NXPH3: variants seen among roughly 807,000 people sequenced by gnomAD.
The protein encoded by NXPH3 is neurexophilin-3.
In NXPH3, 7 loss-of-function variants were observed where a neutral mutation model predicts 18.8. The ratio of observed to expected loss-of-function variants is 0.37; its 90% CI spans 0.21 to 0.70. The LOEUF (loss-of-function observed/expected upper bound fraction) is 0.70. Among genes scored for constraint, NXPH3 ranks in the 30% least tolerant of loss-of-function variants. The probability of loss-of-function intolerance (pLI) is 0.53; values close to 1 mark genes in which losing one functional copy is unlikely to be tolerated. For missense variants in NXPH3, 282 were observed against 338.1 expected (o/e 0.83, Z 1.30); for synonymous variants, 101 against 137.3 (o/e 0.74, Z 1.85).
Position 49,578,698 on chromosome 17 carries a change from A to C in NXPH3, c.157A>C (p.Ile53Leu), listed in dbSNP as rs1419539760. The C allele has an allele frequency of 1.2e-6, 2 of 1,613,120 alleles. No individual in the cohort carries two copies. The highest frequency in any genetic ancestry group is 1.7e-6 in the Non-Finnish European group (2 of 1,179,910). ...RPRVPRKRGH[I>L]SPKSRPMANS... Reference sequence around the variant, plus strand: ...CCGGGTGCCTCGGAAGCGGGGCCACATCTCACCTAAGTCCCGCCCCATGGC... The same window carrying C: ...CCGGGTGCCTCGGAAGCGGGGCCACCTCTCACCTAAGTCCCGCCCCATGGC... The change falls in exon 2 of 2, where the codon ATC becomes CTC. Residue 53 changes from isoleucine (I) to leucine (L), a missense_variant. Coordinates refer to ENST00000328741, the MANE Select transcript of NXPH3 (RefSeq NM_007225.4). The surrounding 1 kb of genome is among the most constrained non-coding windows in gnomAD (Gnocchi z 4.5).
In NXPH3 at chr17:49,578,539, G is replaced by C. The variant is rs141790443; in HGVS notation, c.55-57G>C. ...CAGGGACAGGGGTACTGCTGGTAGC[G>C]GGGGTGGTGGACCTCCAGGGACAGG... On this transcript the variant is annotated intron_variant, in intron 1 of 1. Coordinates refer to ENST00000328741, the MANE Select transcript of NXPH3 (RefSeq NM_007225.4). This position sits in a 1 kb window ranked among gnomAD's most constrained non-coding sequence, Gnocchi z 4.5. 8.8e-6 allele frequency: 12 copies of C among 1,360,158 alleles called. No homozygotes were observed. The highest frequency in any genetic ancestry group is 8.0e-6 in the Non-Finnish European group (8 of 999,954). The allele number at this position is 1,360,158 out of a possible 1,614,324, so 84.3% of individuals were successfully genotyped here. A position where few individuals can be genotyped will look rare whatever the true frequency, so the allele number is the denominator to read the frequency against.
Position 49,581,196 on chromosome 17 carries a change from A to T in NXPH3, c.*1896A>T. The stretch of plus-strand genomic sequence containing the variant: ...CCTGCGTCAGTCACTCCCCTCCTGC[A>T]GCTAGTAAGAGGCCTCAGAATGGCC... On this transcript the variant is annotated 3_prime_UTR_variant, in exon 2 of 2. Transcript: ENST00000328741. The T allele has an allele frequency of 4.6e-5, 10 of 218,240 alleles. No individual in the cohort carries two copies. The highest frequency in any genetic ancestry group is 3.4e-4 in the South Asian group (3 of 8,844). The allele number at this position is 218,240 out of a possible 1,614,324, so 13.5% of individuals were successfully genotyped here.
Position 49,576,054 on chromosome 17 carries a change from G to A in NXPH3, c.-166G>A. On this transcript the variant is annotated 5_prime_UTR_variant, in exon 1 of 2. Coordinates refer to ENST00000328741, the MANE Select transcript of NXPH3 (RefSeq NM_007225.4). ...GAGGGGGGCGGCGGCTGCACAGCTG[G>A]ACCGAAGGGGGCGGGGTCGGCCCTG... The A allele has an allele frequency of 1.4e-6, 1 of 716,560 alleles. No individual in the cohort carries two copies. Among genetic ancestry groups the A allele is most frequent in the Non-Finnish European group, 2.3e-6 (1 of 436,222 alleles). 44.4% of individuals were successfully genotyped at this position (716,560 alleles called of 1,614,324 possible). A position where few individuals can be genotyped will look rare whatever the true frequency, so the allele number is the denominator to read the frequency against.
rs578060233 is a variant in NXPH3 at position 49,583,271 on chromosome 17, C to A, written c.*3971C>A. ...ACAGAAATGTTACTTCCAAAGATTC[C>A]GAGTCCTGTGGTACTGCCAGGAGAA... On this transcript the variant is annotated 3_prime_UTR_variant, in exon 2 of 2. Coordinates refer to ENST00000328741, the MANE Select transcript of NXPH3 (RefSeq NM_007225.4). The A allele has an allele frequency of 1.8e-4, 27 of 152,378 alleles. No homozygotes were observed. The highest frequency in any genetic ancestry group is 6.3e-4 in the African/African-American group (26 of 41,528). The allele number at this position is 152,378 out of a possible 1,614,324, so 9.4% of individuals were successfully genotyped here.
rs1458184944 is a variant in NXPH3 at position 49,579,140 on chromosome 17, C to A, written c.599C>A (p.Ser200Tyr). Residue 200 changes from serine to tyrosine, a missense_variant, in exon 2 of 2, where the codon TCC (serine) becomes TAC (tyrosine). Coordinates refer to ENST00000328741, the MANE Select transcript of NXPH3 (RefSeq NM_007225.4). This position sits in a 1 kb window ranked among gnomAD's most constrained non-coding sequence, Gnocchi z 6.0. ...LCTHDPAKIC[S>Y]RDHAQSSATW... is the part of the protein sequence containing the mutation. ...ACCCACGACCCAGCCAAGATCTGCT[C>A]CCGAGACCACGCTCAGAGCTCAGCC... 4.3e-6 allele frequency: 7 copies of A among 1,613,752 alleles called. No individual in the cohort carries two copies. Among genetic ancestry groups the A allele is most frequent in the Non-Finnish European group, 5.9e-6 (7 of 1,180,048 alleles).
At position 49,579,429 on chromosome 17, in the gene NXPH3, C is replaced by A; in HGVS notation, c.*129C>A. 1.3e-6 allele frequency: 1 copy of A among 761,084 alleles called. No individual in the cohort carries two copies. The allele number at this position is 761,084 out of a possible 1,614,324, so 47.1% of individuals were successfully genotyped here. A position where few individuals can be genotyped will look rare whatever the true frequency, so the allele number is the denominator to read the frequency against. On this transcript the variant is annotated 3_prime_UTR_variant, in exon 2 of 2. Coordinates refer to ENST00000328741, the MANE Select transcript of NXPH3 (RefSeq NM_007225.4). This position sits in a 1 kb window ranked among gnomAD's most constrained non-coding sequence, Gnocchi z 6.0. ...GGAGGGGGGTGGAGACGAGGAGATG[C>A]CAAGTGGGGCCAGGGCCAAGTCTCA...
At position 49,578,762 on chromosome 17, in the gene NXPH3, A is replaced by T. The variant is rs1378769949; in HGVS notation, c.221A>T (p.Glu74Val). The T allele has an allele frequency of 6.2e-7, 1 of 1,613,584 alleles. No individual in the cohort carries two copies. Among genetic ancestry groups the T allele is most frequent in the South Asian group, 1.1e-5 (1 of 91,082 alleles). Residue 74 changes from glutamate to valine, a missense_variant, in exon 2 of 2, where the codon GAG becomes GTG. Transcript: ENST00000328741. This position sits in a 1 kb window ranked among gnomAD's most constrained non-coding sequence, Gnocchi z 4.5. Reference sequence around the variant, plus strand: ...CTAGGGCTGCTGGCCCCGCCTGGGGAGGCTTGGGGCATTCTTGGGCAGCCC... The same window carrying T: ...CTAGGGCTGCTGGCCCCGCCTGGGGTGGCTTGGGGCATTCTTGGGCAGCCC... ...TLLGLLAPPG[E>V]AWGILGQPPN... is the part of the protein sequence containing the mutation.
Position 49,579,401 on chromosome 17 carries a change from C to A in NXPH3, c.*101C>A. 1.9e-6 allele frequency: 2 copies of A among 1,048,326 alleles called. No homozygotes were observed. Among genetic ancestry groups the A allele is most frequent in the Non-Finnish European group, 2.7e-6 (2 of 729,094 alleles). The allele number at this position is 1,048,326 out of a possible 1,614,324, so 64.9% of individuals were successfully genotyped here. Reference sequence around the variant, plus strand: ...GGCAGGGAAGGGGTTGGGCCTCAGGCAGGGAGGGGGGTGGAGACGAGGAGA... The same window carrying A: ...GGCAGGGAAGGGGTTGGGCCTCAGGAAGGGAGGGGGGTGGAGACGAGGAGA... On this transcript the variant is annotated 3_prime_UTR_variant, in exon 2 of 2. Transcript: ENST00000328741. This position sits in a 1 kb window ranked among gnomAD's most constrained non-coding sequence, Gnocchi z 6.0.
At position 49,578,206 on chromosome 17, in the gene NXPH3, A is replaced by T. The variant is rs768772332; in HGVS notation, c.55-390A>T. 2.3e-4 allele frequency among the ~76,000 whole-genome samples: 35 copies of T among 152,192 alleles called. No individual in the cohort carries two copies. The highest frequency in any genetic ancestry group is 4.4e-4 in the Non-Finnish European group (30 of 68,026). ...CTATCAAATTGGGGGCTCTGTCAGC[A>T]CAGGGATGATGCTTCTGCAATTAGA... is the stretch of plus-strand genomic sequence containing the variant. On this transcript the variant is annotated intron_variant, in intron 1 of 1. Coordinates refer to ENST00000328741, the MANE Select transcript of NXPH3 (RefSeq NM_007225.4). The surrounding 1 kb of genome is among the most constrained non-coding windows in gnomAD (Gnocchi z 4.5).
In NXPH3 at chr17:49,581,903, C is replaced by A; in HGVS notation, c.*2603C>A. 1.6e-6 allele frequency: 1 copy of A among 631,364 alleles called. No homozygotes were observed. The highest frequency in any genetic ancestry group is 1.8e-5 in the South Asian group (1 of 55,678). The allele number at this position is 631,364 out of a possible 1,614,324, so 39.1% of individuals were successfully genotyped here. ...TTCCTGGCACACAGTTCTGCCTGCA[C>A]CAGGGATGGATTCATTTTAATAACT... On this transcript the variant is annotated 3_prime_UTR_variant, in exon 2 of 2. Coordinates refer to ENST00000328741, the MANE Select transcript of NXPH3 (RefSeq NM_007225.4).
Position 49,580,783 on chromosome 17 carries a change from A to G in NXPH3, c.*1483A>G, listed in dbSNP as rs1196616204. The G allele has an allele frequency of 2.6e-5, 4 of 152,500 alleles. No homozygotes were observed. The highest frequency in any genetic ancestry group is 7.2e-5 in the African/African-American group (3 of 41,470). The allele number at this position is 152,500 out of a possible 1,614,324, so 9.4% of individuals were successfully genotyped here. A position where few individuals can be genotyped will look rare whatever the true frequency, so the allele number is the denominator to read the frequency against. On this transcript the variant is annotated 3_prime_UTR_variant, in exon 2 of 2. Coordinates refer to ENST00000328741, the MANE Select transcript of NXPH3 (RefSeq NM_007225.4). The stretch of plus-strand genomic sequence containing the variant: ...CTTTCTTTGTTTCTTCCTCTATGAC[A>G]TGAAGGGCTTGCCCAGACCAGGGGT...
At position 49,579,330 on chromosome 17, in the gene NXPH3, G is replaced by T. The variant is rs557137644; in HGVS notation, c.*30G>T. Reference sequence around the variant, plus strand: ...GGGCAGGCCACAGAGGCCAGGCCAGGGCTGGAAGGACAGGCCTGCCCATGC... The same window carrying T: ...GGGCAGGCCACAGAGGCCAGGCCAGTGCTGGAAGGACAGGCCTGCCCATGC... On this transcript the variant is annotated 3_prime_UTR_variant, in exon 2 of 2. Transcript: ENST00000328741. The surrounding 1 kb of genome is among the most constrained non-coding windows in gnomAD (Gnocchi z 6.0). 8.1e-5 allele frequency: 127 copies of T among 1,562,182 alleles called. No individual in the cohort carries two copies. In the South Asian group the frequency reaches 1.2e-3, roughly 14 times the overall value.
At position 49,581,492 on chromosome 17, in the gene NXPH3, T is replaced by C. The variant is rs1289876925; in HGVS notation, c.*2192T>C. The C allele has an allele frequency of 6.3e-6, 4 of 633,472 alleles. No individual in the cohort carries two copies. Among genetic ancestry groups the C allele is most frequent in the African/African-American group, 1.8e-5 (1 of 55,448 alleles). The allele number at this position is 633,472 out of a possible 1,614,324, so 39.2% of individuals were successfully genotyped here. The stretch of plus-strand genomic sequence containing the variant: ...ACTGCAGCGCAGAGTTGGGTGGGGC[T>C]GAGAAGCCATCTGGTTACAGCCCAC... On this transcript the variant is annotated 3_prime_UTR_variant, in exon 2 of 2. Transcript: ENST00000328741.
rs2676793 is a variant in NXPH3 at position 49,579,826 on chromosome 17, C to G, written c.*526C>G. ...TCCAGCCCTGCCTAGTGGGCGCCCT[C>G]AGCCCCTTGTCGTGTGCTGAGCATG... On this transcript the variant is annotated 3_prime_UTR_variant, in exon 2 of 2. Transcript: ENST00000328741. The surrounding 1 kb of genome is among the most constrained non-coding windows in gnomAD (Gnocchi z 6.0). 0.52 allele frequency: 81,926 copies of G among 157,434 alleles called. 23,232 individuals are homozygous for G. The highest frequency in any genetic ancestry group is 0.87 in the East Asian group (4,627 of 5,296). The allele number at this position is 157,434 out of a possible 1,614,324, so 9.8% of individuals were successfully genotyped here. A position where few individuals can be genotyped will look rare whatever the true frequency, so the allele number is the denominator to read the frequency against.
rs1386364629 is a variant in NXPH3 at position 49,580,630 on chromosome 17, A to C, written c.*1330A>C. ...AACAGCTCAGGGAGGGAGAGCTAGC[A>C]GGTAGAATGGGCCAATGAGGGTGTT... On this transcript the variant is annotated 3_prime_UTR_variant, in exon 2 of 2. Transcript: ENST00000328741. 6.6e-6 allele frequency: 1 copy of C among 152,374 alleles called. No homozygotes were observed. The highest frequency in any genetic ancestry group is 2.4e-5 in the African/African-American group (1 of 41,482). The allele number at this position is 152,374 out of a possible 1,614,324, so 9.4% of individuals were successfully genotyped here. A position where few individuals can be genotyped will look rare whatever the true frequency, so the allele number is the denominator to read the frequency against.
chr17:49,576,126 T>G lies in NXPH3; in HGVS notation c.-94T>G. ...CCGCGGGCCGCCGGGGACTGGAGCA[T>G]GGGACGGCGCGCCTGAAGGAGCAGG... On this transcript the variant is annotated 5_prime_UTR_variant, in exon 1 of 2. An upstream start codon of the reference 5' UTR is lost. Coordinates refer to ENST00000328741, the MANE Select transcript of NXPH3 (RefSeq NM_007225.4). The G allele has an allele frequency of 4.1e-6, 6 of 1,464,996 alleles. No homozygotes were observed. The South Asian group carries it at 4.9e-5, about 12-fold the overall frequency. 90.7% of individuals were successfully genotyped at this position (1,464,996 alleles called of 1,614,324 possible).
In NXPH3 at chr17:49,578,554, C is replaced by T. The variant is rs115123651; in HGVS notation, c.55-42C>T. On this transcript the variant is annotated intron_variant, in intron 1 of 1. Transcript: ENST00000328741. The surrounding 1 kb of genome is among the most constrained non-coding windows in gnomAD (Gnocchi z 4.5). Reference sequence around the variant, plus strand: ...TGCTGGTAGCGGGGGTGGTGGACCTCCAGGGACAGGGCTCTCACTGTACTC... The same window carrying T: ...TGCTGGTAGCGGGGGTGGTGGACCTTCAGGGACAGGGCTCTCACTGTACTC... 1,263 of 1,473,602 alleles carry T rather than the reference C, an allele frequency of 8.6e-4. 14 individuals are homozygous for T. In the African/African-American group the frequency reaches 0.016, roughly 18 times the overall value. 91.3% of individuals were successfully genotyped at this position (1,473,602 alleles called of 1,614,324 possible). A position where few individuals can be genotyped will look rare whatever the true frequency, so the allele number is the denominator to read the frequency against.
rs544068311 is a variant in NXPH3, at chr17:49,580,961, C to A, written c.*1661C>A. The A allele has an allele frequency of 1.3e-5, 2 of 153,130 alleles. No homozygotes were observed. Among genetic ancestry groups the A allele is most frequent in the Admixed American group, 6.5e-5 (1 of 15,446 alleles). 9.5% of individuals were successfully genotyped at this position (153,130 alleles called of 1,614,324 possible). A position where few individuals can be genotyped will look rare whatever the true frequency, so the allele number is the denominator to read the frequency against. ...TGATGCTGCTGCTCCAGGGCCCATG[C>A]TGGGAGACCCACTCAAAGGACCTTG... On this transcript the variant is annotated 3_prime_UTR_variant, in exon 2 of 2. Transcript: ENST00000328741.
rs138162780 is a variant in NXPH3 at position 49,578,679 on chromosome 17, G to A, written c.138G>A (p.Val46=). Residue 46 remains valine, a synonymous_variant, in exon 2 of 2, where the codon GTG becomes GTA. Coordinates refer to ENST00000328741, the MANE Select transcript of NXPH3 (RefSeq NM_007225.4). The surrounding 1 kb of genome is among the most constrained non-coding windows in gnomAD (Gnocchi z 4.5). The part of the protein sequence containing the change: ...DDHEGQPRPR[V]PRKRGHISPK... ...ACGAGGGCCAGCCCCGGCCCCGGGTGCCTCGGAAGCGGGGCCACATCTCAC... is the reference window on the plus strand; with the variant it reads ...ACGAGGGCCAGCCCCGGCCCCGGGTACCTCGGAAGCGGGGCCACATCTCAC... 1.8e-5 allele frequency: 29 copies of A among 1,612,432 alleles called. No individual in the cohort carries two copies. In the African/African-American group the frequency reaches 2.5e-4, roughly 14 times the overall value.
Sources: allele counts gnomAD v4.1 joint callset (sites outside exome capture counted in the v4.1 genomes callset), GRCh38; gene constraint gnomAD v4.1.1; non-coding constraint Gnocchi (gnomAD v3.1); transcripts MANE v1.5; gene names NCBI Gene and HGNC (gene_info 2026-07-23, HGNC 2026-07-21).